GFRA2: variants seen among roughly 807,000 people sequenced by gnomAD.
The protein encoded by GFRA2 is GDNF family receptor alpha-2.
Under a neutral mutation model 48.3 loss-of-function variants are expected in GFRA2, and 17 were observed. The ratio of observed to expected loss-of-function variants is 0.35; its 90% CI spans 0.24 to 0.53. The LOEUF (loss-of-function observed/expected upper bound fraction) is 0.53, where lower values mean the gene tolerates loss of function less well. GFRA2 is among the 20% of genes least tolerant of loss of function. GFRA2 has a pLI of 0.93. For synonymous variants in GFRA2, 305 were observed against 257.2 expected, an observed-to-expected ratio of 1.19 and a Z score of -1.78; for missense variants, 660 against 637.3, an observed-to-expected ratio of 1.04 and a Z score of -0.38.
chr8:21,758,291 G>C (rs931536887), intron 3 of GFRA2, among the ~76,000 whole-genome samples: 2 of 151,950 alleles, frequency 1.3e-5, no homozygotes, highest in African/African-American at 4.8e-5. Flanking sequence ...GCCAGCTACT[G>C]TCACCTAGGC....
At position 21,750,758 on chromosome 8, in the gene GFRA2, G is replaced by A. The variant is rs774246701; in HGVS notation, c.624C>T (p.Phe208=). The change falls in exon 4 of 9, where the codon TTC becomes TTT. Residue 208 remains phenylalanine (F), a synonymous_variant. Transcript: ENST00000524240. The surrounding 1 kb of genome is among the most constrained non-coding windows in gnomAD (Gnocchi z 5.7). ...AGGTGTACTCGCTGGGCACCCGGTC[G>A]AAGAACTGGCGCAGGGCCTTGTGGC... is the stretch of plus-strand genomic sequence containing the variant. ...RKCHKALRQF[F]DRVPSEYTYR... The A allele has an allele frequency of 6.8e-6, 11 of 1,613,888 alleles. No homozygotes were observed. In the Admixed American group the frequency reaches 1.0e-4, roughly 15 times the overall value.
At chr8:21,797,270 T>C (rs1807693284) in intron 2 of GFRA2, among the ~76,000 whole-genome samples, 1 of 151,448 alleles carries the variant, frequency 6.6e-6, no homozygotes, top group South Asian at 2.1e-4. Flanking sequence ...TTTCTTTCTT[T>C]TTTTTTCCTT....
At chr8:21,793,340 G>A (rs1409134004), upstream of GFRA2, among the ~76,000 whole-genome samples, 1 of 152,132 alleles carries the variant, frequency 6.6e-6, no homozygotes, top group African/African-American at 2.4e-5. Context: ...ACAGTCCCAG[G>A]CAGAGGTAAT....
At chr8:21,719,482 T>A (rs1803492689) in intron 4 of GFRA2, among the ~76,000 whole-genome samples, 1 of 152,248 alleles carries the variant, frequency 6.6e-6, no homozygotes, top group South Asian at 2.1e-4. Context: ...CATTTGATTT[T>A]AATTGAAGGA....
chr8:21,725,395 T>C (rs73669528), intron 4 of GFRA2, among the ~76,000 whole-genome samples: 5 of 152,172 alleles, frequency 3.3e-5, no homozygotes, highest in Non-Finnish European at 1.5e-5. Flanking sequence ...AGAAGCCCAG[T>C]GAATGCCCAG....
At chr8:21,754,414 G>A (rs1805452431) in intron 3 of GFRA2, among the ~76,000 whole-genome samples, 1 of 152,130 alleles carries the variant, frequency 6.6e-6, no homozygotes, top group African/African-American at 2.4e-5. Context: ...ACCATGTGGG[G>A]CCTAGCCCAG....
chr8:21,733,368 A>C (rs1270965877), intron 4 of GFRA2, among the ~76,000 whole-genome samples: 1 of 152,184 alleles, frequency 6.6e-6, no homozygotes, highest in Non-Finnish European at 1.5e-5. Flanking sequence ...CAGGGAGAGG[A>C]GGGTCCTTTC....
At position 21,705,927 on chromosome 8, in the gene GFRA2, C is replaced by G; in HGVS notation, c.904+5G>C. On this transcript the variant is annotated splice_donor_5th_base_variant and intron_variant, in intron 5 of 8. Transcript: ENST00000524240. ...ACAGAGCCCAGGTGAGCAGGAAGAG[C>G]TTACCAATCATGCCAGCATAAGAGC... 1 of 1,541,344 alleles carries G rather than the reference C, an allele frequency of 6.5e-7. No individual in the cohort carries two copies. The highest frequency in any genetic ancestry group is 8.8e-7 in the Non-Finnish European group (1 of 1,135,896).
In GFRA2 at chr8:21,787,273, A is replaced by AGGGGGG. The variant is rs1585344097; in HGVS notation, c.40+846_40+847insCCCCCC. The stretch of plus-strand genomic sequence containing the variant: ...CTGTCTTGGAGGCGGCGGGGGGGGC[A>AGGGGGG]GTGGGGGGGGTTTGCAGAAGGAGCA... On this transcript the variant is annotated intron_variant, in intron 1 of 8. Coordinates refer to ENST00000524240, the MANE Select transcript of GFRA2 (RefSeq NM_001495.5). 2.8e-3 allele frequency among the ~76,000 whole-genome samples: 144 copies of AGGGGGG among 51,550 alleles called. 1 individual carries two copies. The highest frequency in any genetic ancestry group is 3.4e-3 in the Non-Finnish European group (92 of 26,742). 33.8% of individuals were successfully genotyped at this position (51,550 alleles called of 152,430 possible).
chr8:21,742,678 G>T (rs567876885), intron 4 of GFRA2, among the ~76,000 whole-genome samples: 1 of 152,334 alleles, frequency 6.6e-6, no homozygotes, highest in East Asian at 1.9e-4. Flanking sequence ...CACACGCCCA[G>T]TTGTAGGTGA....
chr8:21,804,982 T>G lies in GFRA2; in HGVS notation c.-36+35A>C, dbSNP rs151027300. ...AAACCCAGAGCCTTCACTCAAGGCA[T>G]GCCTCCCATCTAGAATATCCTCCCA... On this transcript the variant is annotated intron_variant, in intron 2 of 10. Transcript: ENST00000517328. 3.9e-4 allele frequency: 60 copies of G among 152,402 alleles called. 1 individual carries two copies. Among genetic ancestry groups the G allele is most frequent in the African/African-American group, 1.4e-3 (59 of 41,570 alleles). The allele number at this position is 152,402 out of a possible 1,614,324, so 9.4% of individuals were successfully genotyped here.
intron 2 of GFRA2, among the ~76,000 whole-genome samples, chr8:21,779,154 C>G (rs35568068): frequency 0.22 from 33,915 of 152,100 alleles, 3,897 homozygotes; most frequent in Middle Eastern, 0.26. Flanking sequence ...GAGCTGTGAT[C>G]ATGCCACTGC....
At chr8:21,770,398 G>A (rs964288941) in intron 3 of GFRA2, among the ~76,000 whole-genome samples, 2 of 152,368 alleles carry the variant, frequency 1.3e-5, no homozygotes, top group Admixed American at 1.3e-4. Flanking sequence ...TCAGAGGTAG[G>A]TGTTGCCATT....
intron 8 of GFRA2, 29 bp downstream of exon 8, chr8:21,694,435 C>G (rs1317441949): frequency 6.2e-7 from 1 of 1,605,040 alleles, no homozygotes; most frequent in Non-Finnish European, 8.5e-7. Flanking sequence ...CAGCCTTCTG[C>G]ACCCATCCCC....
intron 2 of GFRA2, among the ~76,000 whole-genome samples, chr8:21,796,012 T>C (rs1585350898): frequency 6.6e-6 from 1 of 152,214 alleles, no homozygotes; most frequent in East Asian, 1.9e-4. Flanking sequence ...TCGAGAAAAC[T>C]GTGAAACCTC....
chr8:21,792,661 G>C (rs1383700743), upstream of GFRA2, among the ~76,000 whole-genome samples: 9 of 152,236 alleles, frequency 5.9e-5, no homozygotes, highest in Non-Finnish European at 2.9e-5. Context: ...GAGAGGACTT[G>C]CTAGGGGTAG....
intron 4 of GFRA2, among the ~76,000 whole-genome samples, chr8:21,709,681 G>A (rs552224270): frequency 1.3e-5 from 2 of 152,116 alleles, no homozygotes; most frequent in South Asian, 2.1e-4. Context: ...AGACCAGAGG[G>A]CCCACACACT....
intron 4 of GFRA2, among the ~76,000 whole-genome samples, chr8:21,709,312 A>G (rs963402064): frequency 6.6e-6 from 1 of 152,222 alleles, no homozygotes; most frequent in Non-Finnish European, 1.5e-5. Context: ...ACACACACAT[A>G]GCCTGGACCA....
At chr8:21,723,916 C>T (rs145483358) in intron 4 of GFRA2, among the ~76,000 whole-genome samples, 1 of 152,212 alleles carries the variant, frequency 6.6e-6, no homozygotes, top group East Asian at 1.9e-4. Flanking sequence ...CAGCAGGTGG[C>T]AGAAGACAGA....
Sources: allele counts gnomAD v4.1 joint callset (sites outside exome capture counted in the v4.1 genomes callset), GRCh38; gene constraint gnomAD v4.1.1; non-coding constraint Gnocchi (gnomAD v3.1); transcripts MANE v1.5; gene names NCBI Gene and HGNC (gene_info 2026-07-23, HGNC 2026-07-21).